Variants in ACTR2 observed in about 807,000 individuals in gnomAD.
The protein encoded by ACTR2 is actin-related protein 2.
A neutral mutation model predicts 50.2 loss-of-function variants in ACTR2; 5 were observed. The ratio of observed to expected loss-of-function variants is 0.10; its 90% CI spans 0.05 to 0.21. The LOEUF is 0.21. ACTR2 is among the 10% of genes least tolerant of loss of function. The pLI, the probability that ACTR2 is intolerant of heterozygous loss-of-function variation, is 1.00. For synonymous variants in ACTR2, 140 were observed against 162.9 expected, an observed-to-expected ratio of 0.86 and a Z score of 1.07; for missense variants, 180 against 480.6, an observed-to-expected ratio of 0.37 and a Z score of 5.85.
chr2:65,263,438 C>T (rs1310394789), intron 7 of ACTR2, among the ~76,000 whole-genome samples: 1 of 151,912 alleles, frequency 6.6e-6, no homozygotes, highest in Non-Finnish European at 1.5e-5. Flanking sequence ...GAGCTTGAGT[C>T]ATAGTTAGAA....
chr2:65,245,347 C>T (rs1330070859), intron 2 of ACTR2, among the ~76,000 whole-genome samples: 3 of 151,874 alleles, frequency 2.0e-5, no homozygotes, highest in Non-Finnish European at 4.4e-5. Context: ...TGGTGAAACC[C>T]CATCTCTACT....
chr2:65,264,955 AC>A, intron 7 of ACTR2, 87 bp from the exon 8 acceptor site: 2 of 1,466,266 alleles, frequency 1.4e-6, no homozygotes, highest in South Asian at 1.2e-5. Context: ...TCTCCCAGCA[AC>A]CCCGAGGCTG....
intron 6 of ACTR2, among the ~76,000 whole-genome samples, chr2:65,259,628 C>G (rs1487104394): frequency 2.6e-5 from 4 of 152,068 alleles, no homozygotes; most frequent in African/African-American, 9.7e-5. Flanking sequence ...ACTTGGGGGG[C>G]TGAGGTATGA....
intron 7 of ACTR2, among the ~76,000 whole-genome samples, chr2:65,264,798 C>CA (rs1260085276): frequency 2.0e-5 from 3 of 151,996 alleles, no homozygotes; most frequent in Admixed American, 1.3e-4. Flanking sequence ...GTTATATTCA[C>CA]AAAAAAGTGT....
At chr2:65,242,681 C>A (rs1671862203) in intron 2 of ACTR2, 3 of 508,356 alleles carry the variant, frequency 5.9e-6, no homozygotes, top group African/African-American at 5.8e-5. Context: ...AGATTTCCCC[C>A]CCAAACATTG....
In ACTR2 at chr2:65,270,686, G is replaced by A. The variant is rs1314097252; in HGVS notation, c.*1952G>A. The A allele has an allele frequency of 6.6e-6, 1 of 152,102 alleles. No individual in the cohort carries two copies. The highest frequency in any genetic ancestry group is 1.5e-5 in the Non-Finnish European group (1 of 68,032). 9.4% of individuals were successfully genotyped at this position (152,102 alleles called of 1,614,324 possible). A position where few individuals can be genotyped will look rare whatever the true frequency, so the allele number is the denominator to read the frequency against. ...AATGGACTCTTAAAACAATGAAAGA[G>A]CATTTATCGTTTGTCCCTTGAATGT... On this transcript the variant is annotated 3_prime_UTR_variant, in exon 9 of 9. Coordinates refer to ENST00000260641, the MANE Select transcript of ACTR2 (RefSeq NM_005722.4).
chr2:65,230,034 A>C (rs1671606068), intron 1 of ACTR2, among the ~76,000 whole-genome samples: 1 of 152,244 alleles, frequency 6.6e-6, no homozygotes. Flanking sequence ...AGAGGACTTC[A>C]TGACCTTTCT....
chr2:65,249,853 C>T (rs1672010589), intron 3 of ACTR2, among the ~76,000 whole-genome samples: 1 of 152,196 alleles, frequency 6.6e-6, no homozygotes, highest in Non-Finnish European at 1.5e-5. Flanking sequence ...AGGGACTGGG[C>T]TCAGCAGCTA....
chr2:65,228,323 T>C, intron 1 of ACTR2: 1 of 229,574 alleles, frequency 4.4e-6, no homozygotes, highest in East Asian at 8.6e-5. Context: ...AAGGGCTCTT[T>C]TCCCCAGGGC....
At chr2:65,266,817 G>A (rs1211215473) in intron 8 of ACTR2, among the ~76,000 whole-genome samples, 2 of 152,174 alleles carry the variant, frequency 1.3e-5, no homozygotes, top group Non-Finnish European at 2.9e-5. Flanking sequence ...GCTCAGTTGA[G>A]GTTAGTGATA....
chr2:65,237,533 G>A (rs1203737346), intron 1 of ACTR2, among the ~76,000 whole-genome samples: 4 of 151,958 alleles, frequency 2.6e-5, no homozygotes, highest in African/African-American at 9.7e-5. Context: ...TGAGCCACTG[G>A]GCCCAGCGTA....
chr2:65,231,712 C>T (rs139569928), intron 1 of ACTR2, among the ~76,000 whole-genome samples: 32 of 152,140 alleles, frequency 2.1e-4, no homozygotes, highest in South Asian at 1.5e-3. Context: ...TAAAAAGTTA[C>T]GATTCTTTTA....
At chr2:65,256,443 C>T (rs921349082) in intron 6 of ACTR2, among the ~76,000 whole-genome samples, 1 of 152,102 alleles carries the variant, frequency 6.6e-6, no homozygotes, top group East Asian at 1.9e-4. Flanking sequence ...TTCCAGGTCT[C>T]ATCTTTGATC....
At chr2:65,245,181 T>G (rs1671913075) in intron 2 of ACTR2, among the ~76,000 whole-genome samples, 1 of 152,154 alleles carries the variant, frequency 6.6e-6, no homozygotes, top group African/African-American at 2.4e-5. Context: ...CTTTTTCTTT[T>G]TTTTTTAATT....
At chr2:65,253,670 G>T in intron 4 of ACTR2, 58 bp from the exon 5 acceptor site, 1 of 1,571,952 alleles carries the variant, frequency 6.4e-7, no homozygotes, top group Non-Finnish European at 8.7e-7. Context: ...TTTGGAACTC[G>T]CTGGCTTTGG....
intron 1 of ACTR2, among the ~76,000 whole-genome samples, chr2:65,233,465 A>G (rs916993141): frequency 5.3e-5 from 8 of 151,864 alleles, no homozygotes; most frequent in Non-Finnish European, 1.2e-4. Context: ...GACCATCCTG[A>G]GCAACAGCGA....
intron 1 of ACTR2, 64 bp downstream of exon 1, chr2:65,228,021 C>G: frequency 7.0e-7 from 1 of 1,435,818 alleles, no homozygotes; most frequent in Middle Eastern, 2.5e-4. Context: ...AGCTGGCGCA[C>G]GGGCCCTCGG....
At chr2:65,250,738 C>G (rs1388466657) in intron 3 of ACTR2, among the ~76,000 whole-genome samples, 1 of 146,008 alleles carries the variant, frequency 6.8e-6, no homozygotes, top group East Asian at 2.1e-4. Context: ...TTGTTCAATA[C>G]AGAGAGCTTT....
In ACTR2 at chr2:65,265,054, A is replaced by G; in HGVS notation, c.893A>G (p.Tyr298Cys). 1 of 1,614,202 alleles carries G rather than the reference A, an allele frequency of 6.2e-7. No homozygotes were observed. Among genetic ancestry groups the G allele is most frequent in the African/African-American group, 1.3e-5 (1 of 75,072 alleles). The change falls in exon 8 of 9, where the codon TAC becomes TGC. Residue 298 changes from tyrosine to cysteine, a missense_variant. Tyr to Cys is a radical substitution (Grantham distance 194). Transcript: ENST00000260641. ...TTGTGCCTTTCTAGATCTGAATTCT[A>G]CAAACACATTGTGCTTTCTGGAGGG... ...AADIDTRSEF[Y>C]KHIVLSGGST...
Sources: allele counts gnomAD v4.1 joint callset (sites outside exome capture counted in the v4.1 genomes callset), GRCh38; gene constraint gnomAD v4.1.1; transcripts MANE v1.5; gene names NCBI Gene and HGNC (gene_info 2026-07-23, HGNC 2026-07-21).